Variants in CHP1 observed in about 807,000 individuals in gnomAD.
CHP1 encodes calcineurin B homologous protein 1.
Under a neutral mutation model 27.4 loss-of-function variants are expected in CHP1, and 11 were observed. The observed-to-expected ratio is 0.40, with a 90% confidence interval of 0.25 to 0.67. CHP1 has a LOEUF of 0.67. CHP1 is among the 30% of genes least tolerant of loss of function. The pLI, the probability that CHP1 is intolerant of heterozygous loss-of-function variation, is 0.38. For missense variants in CHP1, 169 were observed against 251.3 expected (o/e 0.67, Z 2.22); for synonymous variants, 89 against 87.4 (o/e 1.02, Z -0.10).
chr15:41,260,565 T>A (rs1202252859), intron 3 of CHP1, among the ~76,000 whole-genome samples: 1 of 151,818 alleles, frequency 6.6e-6, no homozygotes, highest in East Asian at 1.9e-4. Flanking sequence ...CAGCTAATTT[T>A]TGTATTTTTA....
chr15:41,261,139 C>A (rs552033100), intron 3 of CHP1, among the ~76,000 whole-genome samples: 2 of 147,956 alleles, frequency 1.4e-5, no homozygotes, highest in African/African-American at 5.0e-5. Flanking sequence ...CTTCCTTTTC[C>A]TTTCCTTTCC....
At chr15:41,248,355 C>T (rs151296717) in intron 2 of CHP1, among the ~76,000 whole-genome samples, 13 of 152,144 alleles carry the variant, frequency 8.5e-5, no homozygotes, top group East Asian at 7.7e-4. Flanking sequence ...AGCAAAAAAG[C>T]GCACATTATG....
rs1567009543 is a variant in CHP1, at chr15:41,262,783, C to T, written c.249C>T (p.Phe83=). The stretch of plus-strand genomic sequence containing the variant: ...AGGACCAGGTAAACTTCCGTGGATT[C>T]ATGCGAACTTTGGCTCATTTCCGCC... ...EGEDQVNFRG[F]MRTLAHFRPI... is the part of the protein sequence containing the mutation. The change falls in exon 4 of 7, where the codon TTC becomes TTT. Residue 83 remains phenylalanine (F), a synonymous_variant. Coordinates refer to ENST00000334660, the MANE Select transcript of CHP1 (RefSeq NM_007236.5). 1 of 1,613,172 alleles carries T rather than the reference C, an allele frequency of 6.2e-7. No homozygotes were observed. Among genetic ancestry groups the T allele is most frequent in the Non-Finnish European group, 8.5e-7 (1 of 1,179,980 alleles).
In CHP1 at chr15:41,270,566, G is replaced by A. The variant is rs78595147; in HGVS notation, c.359G>A (p.Arg120Gln). 13 of 1,613,448 alleles carry A rather than the reference G, an allele frequency of 8.1e-6. No individual in the cohort carries two copies. Among genetic ancestry groups the A allele is most frequent in the African/African-American group, 2.7e-5 (2 of 74,876 alleles). ...SRSNKLHFAFRLYDLDKDEKI... is the reference protein window; with the variant it reads ...SRSNKLHFAFQLYDLDKDEKI... ...TGTTTTTCCCTTACAGTTGCTTTTC[G>A]ACTATATGATTTGGATAAAGATGAA... The change falls in exon 5 of 7, where the codon CGA becomes CAA. Residue 120 changes from arginine to glutamine, a missense_variant. By Grantham distance (43) the Arg-to-Gln change is conservative. Transcript: ENST00000334660.
At chr15:41,243,828 T>TGATA in intron 2 of CHP1, 89 bp downstream of exon 2, 1 of 1,054,260 alleles carries the variant, frequency 9.5e-7, no homozygotes, top group Admixed American at 2.2e-5. Context: ...AGGGTAGACA[T>TGATA]GATAGACATC....
chr15:41,232,877 C>A (rs2047259384), intron 1 of CHP1, among the ~76,000 whole-genome samples: 1 of 152,118 alleles, frequency 6.6e-6, no homozygotes, highest in Admixed American at 6.6e-5. Flanking sequence ...GTGACAAGTT[C>A]AACTTTCTGG....
At position 41,256,888 on chromosome 15, in the gene CHP1, C is replaced by T. The variant is rs779678764; in HGVS notation, c.141-22C>T. 8.7e-6 allele frequency: 14 copies of T among 1,609,040 alleles called. No individual in the cohort carries two copies. The Admixed American group carries it at 1.7e-4, about 19-fold the overall frequency. On this transcript the variant is annotated intron_variant, in intron 2 of 6. Transcript: ENST00000334660. Reference sequence around the variant, plus strand: ...GCTAAGGGCAATGATCTCTATCTAACTCAAGGTGATTCTCTTGGCAGCCGG... The same window carrying T: ...GCTAAGGGCAATGATCTCTATCTAATTCAAGGTGATTCTCTTGGCAGCCGG...
At chr15:41,266,488 A>G (rs2047461424) in intron 4 of CHP1, among the ~76,000 whole-genome samples, 1 of 152,156 alleles carries the variant, frequency 6.6e-6, no homozygotes, top group South Asian at 2.1e-4. Context: ...AAGTTTTTAT[A>G]ACACATAATG....
At chr15:41,270,361 A>G (rs544486681) in intron 4 of CHP1, among the ~76,000 whole-genome samples, 196 bp from the exon 5 acceptor site, 89 of 152,290 alleles carry the variant, frequency 5.8e-4, no homozygotes, top group Non-Finnish European at 1.3e-4. Flanking sequence ...ACCATACTTC[A>G]TCTAATCTAA....
Position 41,231,337 on chromosome 15 carries a change from C to G in CHP1, c.-46C>G, listed in dbSNP as rs1197775060. The G allele has an allele frequency of 6.5e-7, 1 of 1,545,722 alleles. No individual in the cohort carries two copies. The highest frequency in any genetic ancestry group is 8.8e-7 in the Non-Finnish European group (1 of 1,136,594). Reference sequence around the variant, plus strand: ...TCCCTCCCTCCTTCCCTCCTGTCGCCGTCTCTTCTGGCGCCGCTGCTCCCG... The same window carrying G: ...TCCCTCCCTCCTTCCCTCCTGTCGCGGTCTCTTCTGGCGCCGCTGCTCCCG... On this transcript the variant is annotated 5_prime_UTR_variant, in exon 1 of 7. Transcript: ENST00000334660.
At chr15:41,268,655 A>T (rs1187866915) in intron 4 of CHP1, among the ~76,000 whole-genome samples, 2 of 146,372 alleles carry the variant, frequency 1.4e-5, no homozygotes, top group East Asian at 4.1e-4. Context: ...AAAAAAAAAA[A>T]TTCAGGCCAG....
intron 1 of CHP1, among the ~76,000 whole-genome samples, chr15:41,241,204 T>TA (rs751298985): frequency 6.6e-6 from 1 of 152,224 alleles, no homozygotes; most frequent in African/African-American, 2.4e-5. Flanking sequence ...AAGGGAACTT[T>TA]AGTACAAGAA....
In CHP1 at chr15:41,249,369, G is replaced by C. The variant is rs575284461; in HGVS notation, c.140+5630G>C. Among the ~76,000 whole-genome samples the C allele has an allele frequency of 4.6e-5, 7 of 151,020 alleles. 1 individual carries two copies. In the South Asian group the frequency reaches 1.3e-3, roughly 27 times the overall value. ...GGTCTCGCCATGTTCCCCATGACTGGTCTCGAACTCCTGAACTCAAACCAT... is the reference window on the plus strand; with the variant it reads ...GGTCTCGCCATGTTCCCCATGACTGCTCTCGAACTCCTGAACTCAAACCAT... On this transcript the variant is annotated intron_variant, in intron 2 of 6. Coordinates refer to ENST00000334660, the MANE Select transcript of CHP1 (RefSeq NM_007236.5).
In CHP1 at chr15:41,279,417, A is replaced by G. The variant is rs2047535166; in HGVS notation, c.*28A>G. On this transcript the variant is annotated 3_prime_UTR_variant, in exon 7 of 7. Coordinates refer to ENST00000334660, the MANE Select transcript of CHP1 (RefSeq NM_007236.5). ...GAGACCAAACTGTTCCTTGCGGTCTAGTATTTAAGAACTGGAACTTGAAAG... is the reference window on the plus strand; with the variant it reads ...GAGACCAAACTGTTCCTTGCGGTCTGGTATTTAAGAACTGGAACTTGAAAG... 3.1e-6 allele frequency: 5 copies of G among 1,598,482 alleles called. No homozygotes were observed. The highest frequency in any genetic ancestry group is 4.3e-6 in the Non-Finnish European group (5 of 1,168,262).
chr15:41,248,471 G>A (rs965170564), intron 2 of CHP1, among the ~76,000 whole-genome samples: 2 of 151,838 alleles, frequency 1.3e-5, no homozygotes, highest in South Asian at 2.1e-4. Flanking sequence ...TCACCTTGTT[G>A]CCCATGCTGG....
Position 41,264,164 on chromosome 15 carries a change from G to A in CHP1, c.349+1281G>A, listed in dbSNP as rs940949384. Reference sequence around the variant, plus strand: ...TTTTTTTTCTTGTTCACATCTGGCAGTAGAGGAAGAGAGATATATATAGAG... The same window carrying A: ...TTTTTTTTCTTGTTCACATCTGGCAATAGAGGAAGAGAGATATATATAGAG... On this transcript the variant is annotated intron_variant, in intron 4 of 6. Transcript: ENST00000334660. 4 of 1,283,220 alleles carry A rather than the reference G, an allele frequency of 3.1e-6. No individual in the cohort carries two copies. The African/African-American group carries it at 4.6e-5, about 15-fold the overall frequency. The allele number at this position is 1,283,220 out of a possible 1,614,324, so 79.5% of individuals were successfully genotyped here.
chr15:41,256,779 G>A, intron 2 of CHP1, 131 bp from the exon 3 acceptor site: 1 of 731,612 alleles, frequency 1.4e-6, no homozygotes, highest in Non-Finnish European at 2.5e-6. Flanking sequence ...CAGTTATTTG[G>A]TATAATTTGC....
chr15:41,240,669 C>T (rs1595471056), intron 1 of CHP1, among the ~76,000 whole-genome samples: 3 of 148,776 alleles, frequency 2.0e-5, no homozygotes, highest in East Asian at 2.0e-4. Context: ...TGGAGAATCA[C>T]GGGAACCCAG....
At chr15:41,270,734 C>T in intron 5 of CHP1, 116 bp downstream of exon 5, 1 of 790,948 alleles carries the variant, frequency 1.3e-6, no homozygotes, top group Non-Finnish European at 2.1e-6. Flanking sequence ...GTGCAGAGTC[C>T]TGTCCTGGTT....
Sources: gnomAD v4.1 joint callset for allele counts (sites outside exome capture counted in the v4.1 genomes callset) on GRCh38, gnomAD v4.1.1 for gene constraint, MANE v1.5 for transcripts, NCBI Gene and HGNC (gene_info 2026-07-23, HGNC 2026-07-21) for gene names.